SRSF11: variants seen among roughly 807,000 people sequenced by gnomAD.
SRSF11 encodes the protein serine/arginine-rich splicing factor 11.
Under a neutral mutation model 56.0 loss-of-function variants are expected in SRSF11, and 9 were observed. The observed-to-expected ratio is 0.16, with a 90% CI of 0.10 to 0.28. SRSF11 has a LOEUF of 0.28. SRSF11 is among the 10% of genes least tolerant of loss of function. The probability of loss-of-function intolerance (pLI) is 1.00; values close to 1 mark genes in which losing one functional copy is unlikely to be tolerated. For missense variants in SRSF11, 421 were observed against 600.7 expected (o/e 0.70, Z 3.13); for synonymous variants, 222 against 215.3 (o/e 1.03, Z -0.27).
intron 1 of SRSF11, among the ~76,000 whole-genome samples, chr1:70,205,940 A>G (rs1238372650): frequency 6.6e-6 from 1 of 152,166 alleles, no homozygotes; most frequent in Non-Finnish European, 1.5e-5. Flanking sequence ...GCCTTGACTA[A>G]AACTTGAGAT....
intron 1 of SRSF11, among the ~76,000 whole-genome samples, 153 bp from the exon 2 acceptor site, chr1:70,228,269 A>G (rs1340626988): frequency 6.6e-6 from 1 of 152,214 alleles, no homozygotes; most frequent in Non-Finnish European, 1.5e-5. Flanking sequence ...TGAACAGTAT[A>G]TGATTGAGAA....
chr1:70,230,784 A>G (rs879558878), intron 2 of SRSF11: 16 of 1,174,452 alleles, frequency 1.4e-5, no homozygotes, highest in Non-Finnish European at 1.7e-5. Context: ...AAATGTTGCA[A>G]ATGCACTAAT....
At chr1:70,246,320 C>T (rs1037600499) in intron 8 of SRSF11, among the ~76,000 whole-genome samples, 8 of 151,756 alleles carry the variant, frequency 5.3e-5, no homozygotes, top group African/African-American at 1.7e-4. Context: ...TTCTAATAAG[C>T]CCTGAATAGT....
intron 2 of SRSF11, chr1:70,230,402 C>G (rs1213645935): frequency 8.8e-7 from 1 of 1,134,344 alleles, no homozygotes. Flanking sequence ...TAGACATAGT[C>G]TACGGTAAGG....
chr1:70,229,553 A>G (rs1034317477), intron 2 of SRSF11: 2 of 985,034 alleles, frequency 2.0e-6, no homozygotes, highest in African/African-American at 3.5e-5. Context: ...TTTTACTCGA[A>G]TCACTGAAAT....
At chr1:70,217,962 T>G (rs4650034), upstream of SRSF11, among the ~76,000 whole-genome samples, 1,105 of 150,262 alleles carry the variant, frequency 7.4e-3, 9 homozygotes, top group South Asian at 0.032. Flanking sequence ...CAGGGGTGGG[T>G]TTTTTTTGTT....
At chr1:70,223,816 G>A (rs1230038747) in intron 1 of SRSF11, among the ~76,000 whole-genome samples, 1 of 152,102 alleles carries the variant, frequency 6.6e-6, no homozygotes, top group African/African-American at 2.4e-5. Flanking sequence ...GTGGTCCACA[G>A]GGTTCATCAT....
chr1:70,249,990 C>T lies in SRSF11; in HGVS notation c.1061C>T (p.Ser354Phe), dbSNP rs750684163. 3 of 1,614,142 alleles carry T rather than the reference C, an allele frequency of 1.9e-6. No homozygotes were observed. The highest frequency in any genetic ancestry group is 2.5e-6 in the Non-Finnish European group (3 of 1,180,014). Residue 354 changes from serine to phenylalanine, a missense_variant, in exon 10 of 12, where the codon TCT becomes TTT. This residue lies in a region of SRSF11 where 253 missense variants were observed against 305.8 expected (regional missense o/e 0.83). Transcript: ENST00000370949. ...RRRRSRSGTR[S>F]PKKPRSPKRK... ...CGAAGAAGCAGGAGTGGCACAAGAT[C>T]TCCTAAAAAGCCTCGGTCTCCTAAA...
intron 5 of SRSF11, among the ~76,000 whole-genome samples, chr1:70,237,203 T>C (rs930656718): frequency 2.0e-5 from 3 of 152,166 alleles, no homozygotes; most frequent in Non-Finnish European, 4.4e-5. Context: ...AAAATAGGTA[T>C]TTTTCTAATT....
At chr1:70,230,835 T>TA in intron 2 of SRSF11, 1 of 1,170,418 alleles carries the variant, frequency 8.5e-7, no homozygotes, top group African/African-American at 1.6e-5. Context: ...TCTTGAGACA[T>TA]AATTTTGCAT....
chr1:70,208,383 G>T (rs1032091890), intron 1 of SRSF11, among the ~76,000 whole-genome samples: 1 of 152,068 alleles, frequency 6.6e-6, no homozygotes, highest in Non-Finnish European at 1.5e-5. Flanking sequence ...ACCCAGCCTA[G>T]AGTGCAATGG....
intron 7 of SRSF11, among the ~76,000 whole-genome samples, chr1:70,243,361 A>C (rs1350319316): frequency 4.2e-5 from 6 of 142,020 alleles, no homozygotes; most frequent in African/African-American, 8.4e-5. Context: ...AAAAAAAAAA[A>C]AAAAAAAAAA....
chr1:70,249,963 G>A lies in SRSF11; in HGVS notation c.1034G>A (p.Arg345Gln). 2 of 1,614,076 alleles carry A rather than the reference G, an allele frequency of 1.2e-6. No homozygotes were observed. Among genetic ancestry groups the A allele is most frequent in the African/African-American group, 1.3e-5 (1 of 75,040 alleles). The change falls in exon 10 of 12, where the codon CGA (arginine) becomes CAA (glutamine). Residue 345 changes from arginine (R) to glutamine (Q), a missense_variant. By Grantham distance (43) the Arg-to-Gln change is conservative. Coordinates refer to ENST00000370949, the MANE Select transcript of SRSF11 (RefSeq NM_001350605.2). ...RSRSASRERR[R>Q]RRSRSGTRSP... ...ATTTGTGATTCTAGAGAGAGACGAC[G>A]ACGAAGAAGCAGGAGTGGCACAAGA...
At chr1:70,248,959 C>T (rs1422456838) in intron 9 of SRSF11, 1 of 152,008 alleles carries the variant, frequency 6.6e-6, no homozygotes, top group East Asian at 1.9e-4. Context: ...GGACAAGGGT[C>T]ACAGAGGGCT....
chr1:70,223,628 A>G (rs1671123671), intron 1 of SRSF11, among the ~76,000 whole-genome samples: 1 of 152,224 alleles, frequency 6.6e-6, no homozygotes, highest in Admixed American at 6.5e-5. Flanking sequence ...CCCACATACA[A>G]GATCATTTTG....
intron 2 of SRSF11, chr1:70,231,238 G>A: frequency 8.2e-7 from 1 of 1,213,994 alleles, no homozygotes. Flanking sequence ...TTCTTAATAT[G>A]TATTACAGAA....
rs745392789 is a variant in SRSF11, at chr1:70,232,408, G to A, written c.447+31G>A. 3 of 1,549,210 alleles carry A rather than the reference G, an allele frequency of 1.9e-6. No homozygotes were observed. In the East Asian group the frequency reaches 6.8e-5, roughly 35 times the overall value. ...AGTTCTATTGAATTCTTAAAGGGTGGGGAAAAAAACAGAATTGTGCATAAA... is the reference window on the plus strand; with the variant it reads ...AGTTCTATTGAATTCTTAAAGGGTGAGGAAAAAAACAGAATTGTGCATAAA... On this transcript the variant is annotated intron_variant, in intron 3 of 11. Transcript: ENST00000370949.
chr1:70,207,724 CTTTTTT>C lies in SRSF11; in HGVS notation c.-26+1956_-26+1961del, dbSNP rs202160955. Reference sequence around the variant, plus strand: ...CCCTACAATAGATTCTTCTTTCGTTCTTTTTTTTTTTTTTTTTAAGAGACCAGGTCT... The same window carrying C: ...CCCTACAATAGATTCTTCTTTCGTTCTTTTTTTTTTTAAGAGACCAGGTCT... On this transcript the variant is annotated intron_variant, in intron 1 of 12. Coordinates refer to the SRSF11 transcript ENST00000370950. Among the ~76,000 whole-genome samples the C allele has an allele frequency of 7.3e-5, 10 of 136,492 alleles. No individual in the cohort carries two copies. In the South Asian group the frequency reaches 9.5e-4, roughly 13 times the overall value. The allele number at this position is 136,492 out of a possible 152,430, so 89.5% of individuals were successfully genotyped here.
rs897947205 is a variant in SRSF11, at chr1:70,221,398, G to C, written c.-239G>C. 1.9e-6 allele frequency: 1 copy of C among 531,792 alleles called. No homozygotes were observed. The highest frequency in any genetic ancestry group is 3.3e-6 in the Non-Finnish European group (1 of 305,480). The allele number at this position is 531,792 out of a possible 1,614,324, so 32.9% of individuals were successfully genotyped here. On this transcript the variant is annotated 5_prime_UTR_variant, in exon 1 of 12. Coordinates refer to ENST00000370949, the MANE Select transcript of SRSF11 (RefSeq NM_001350605.2). ...GCCCGCTAGTGTCGTGGTTGGAGGC[G>C]AGGTGGGGCGGCCGTTTGTTTTCTC...
Sources: allele counts gnomAD v4.1 joint callset (sites outside exome capture counted in the v4.1 genomes callset), GRCh38; gene constraint gnomAD v4.1.1; regional missense constraint gnomAD v4.1.1; transcripts MANE v1.5; gene names NCBI Gene and HGNC (gene_info 2026-07-23, HGNC 2026-07-21).